The following SBF2 variants were observed in gnomAD, a reference collection of about 807,000 sequenced individuals.
The protein encoded by SBF2 is myotubularin-related protein 13.
A neutral mutation model predicts 225.2 loss-of-function variants in SBF2; 112 were observed. That is an observed-to-expected ratio of 0.50 (90% CI 0.43 to 0.58). The LOEUF is 0.58. SBF2 is among the 20% of genes least tolerant of loss of function. SBF2 has a pLI of 0.00. For synonymous variants in SBF2, 763 were observed against 773.3 expected (o/e 0.99, Z 0.22); for missense variants, 1,996 against 2,206.2 (o/e 0.90, Z 1.91).
chr11:10,110,043 T>A (rs1952761070), intron 2 of SBF2, among the ~76,000 whole-genome samples: 1 of 152,232 alleles, frequency 6.6e-6, no homozygotes, highest in African/African-American at 2.4e-5. Flanking sequence ...TGAATTTGGA[T>A]CATCTCCATG....
chr11:10,227,909 G>A (rs1299808286), intron 1 of SBF2, among the ~76,000 whole-genome samples: 1 of 151,272 alleles, frequency 6.6e-6, no homozygotes, highest in Non-Finnish European at 1.5e-5. Flanking sequence ...AATTACCTTG[G>A]GCAGTATGGC....
At chr11:10,287,269 C>A (rs1432065867) in intron 1 of SBF2, among the ~76,000 whole-genome samples, 2 of 152,096 alleles carry the variant, frequency 1.3e-5, no homozygotes, top group Admixed American at 6.5e-5. Flanking sequence ...TGAAAATGTT[C>A]CCTATCTATC....
At chr11:9,900,671 TTTA>T (rs1053431683) in intron 16 of SBF2, among the ~76,000 whole-genome samples, 1 of 152,094 alleles carries the variant, frequency 6.6e-6, no homozygotes, top group Non-Finnish European at 1.5e-5. Flanking sequence ...AAAAGACAAT[TTTA>T]TATTTGAGTG....
In SBF2 at chr11:9,881,097, C is replaced by T. The variant is rs190454274; in HGVS notation, c.1929+14846G>A. ...TCACAGAGATACTAGTGCTCCTTTG[C>T]CCTTTTATAGCATAAAAAGGCATTT... On this transcript the variant is annotated intron_variant, in intron 17 of 39. Coordinates refer to ENST00000256190, the MANE Select transcript of SBF2 (RefSeq NM_030962.4). Among the ~76,000 whole-genome samples the T allele has an allele frequency of 1.4e-4, 22 of 152,210 alleles. No individual in the cohort carries two copies. The East Asian group carries it at 4.0e-3, about 28-fold the overall frequency.
intron 1 of SBF2, among the ~76,000 whole-genome samples, chr11:10,197,786 T>C (rs965020733): frequency 1.3e-5 from 2 of 152,252 alleles, no homozygotes. Flanking sequence ...AAATCCTTTG[T>C]CATTTCAATG....
intron 2 of SBF2, among the ~76,000 whole-genome samples, chr11:10,165,642 G>A (rs1353183653): frequency 6.6e-6 from 1 of 152,092 alleles, no homozygotes; most frequent in African/African-American, 2.4e-5. Context: ...CTCCATCCCA[G>A]TCACTTCAAC....
intron 2 of SBF2, among the ~76,000 whole-genome samples, chr11:10,163,487 CAAT>C (rs1955836693): frequency 6.6e-6 from 1 of 152,032 alleles, no homozygotes; most frequent in Non-Finnish European, 1.5e-5. Flanking sequence ...CTAATAATGA[CAAT>C]AAGAGTAGCA....
chr11:9,992,508 A>T lies in SBF2; in HGVS notation c.1203T>A (p.Asn401Lys). The change falls in exon 12 of 40, where the codon AAT (asparagine) becomes AAA (lysine). Residue 401 changes from asparagine to lysine, a missense_variant. Physicochemically the swap from Asn to Lys is moderately conservative, Grantham distance 94. Coordinates refer to ENST00000256190, the MANE Select transcript of SBF2 (RefSeq NM_030962.4). ...AFLGQRGLVE[N>K]DFLTKVLSGM... Reference sequence around the variant, plus strand: ...CACTGAGTACTTTAGTGAGGAAATCATTCTCGACCAAACCACGCTGCCCCA... The same window carrying T: ...CACTGAGTACTTTAGTGAGGAAATCTTTCTCGACCAAACCACGCTGCCCCA... 3.1e-6 allele frequency: 5 copies of T among 1,613,296 alleles called. No individual in the cohort carries two copies. Among genetic ancestry groups the T allele is most frequent in the Non-Finnish European group, 4.2e-6 (5 of 1,179,528 alleles).
intron 2 of SBF2, among the ~76,000 whole-genome samples, chr11:10,113,268 A>G (rs748174032): frequency 6.6e-6 from 1 of 152,252 alleles, no homozygotes; most frequent in Non-Finnish European, 1.5e-5. Flanking sequence ...TGCTGGGATT[A>G]CAGGCGTGAG....
chr11:10,066,664 A>G (rs144660373), intron 2 of SBF2, among the ~76,000 whole-genome samples: 90 of 152,334 alleles, frequency 5.9e-4, no homozygotes, highest in African/African-American at 2.2e-3. Flanking sequence ...AGCTAACATC[A>G]TACTTAATGT....
chr11:9,851,603 T>C (rs1856960114), intron 21 of SBF2, among the ~76,000 whole-genome samples: 1 of 152,200 alleles, frequency 6.6e-6, no homozygotes, highest in South Asian at 2.1e-4. Context: ...TATTTTTTAC[T>C]AAGCAATAAA....
At chr11:10,072,764 T>C (rs908730149) in intron 2 of SBF2, among the ~76,000 whole-genome samples, 28 of 149,574 alleles carry the variant, frequency 1.9e-4, no homozygotes, top group Middle Eastern at 3.5e-3. Context: ...CAGGGTCTCA[T>C]TCTGTTGCCC....
At chr11:10,199,747 C>T (rs1234967912) in intron 1 of SBF2, among the ~76,000 whole-genome samples, 4 of 151,874 alleles carry the variant, frequency 2.6e-5, no homozygotes, top group Non-Finnish European at 4.4e-5. Flanking sequence ...ATATGGAGAC[C>T]CCATCTCTAC....
chr11:9,874,266 CTT>C (rs528606437), intron 17 of SBF2, among the ~76,000 whole-genome samples: 14 of 151,932 alleles, frequency 9.2e-5, no homozygotes, highest in Non-Finnish European at 1.8e-4. Context: ...TAAGTAAAAA[CTT>C]ATTCCTTACA....
At chr11:9,882,193 A>G (rs1162834809) in intron 17 of SBF2, among the ~76,000 whole-genome samples, 1 of 152,210 alleles carries the variant, frequency 6.6e-6, no homozygotes, top group Non-Finnish European at 1.5e-5. Flanking sequence ...ACCAGACAAC[A>G]TTTCAGAAAA....
chr11:10,078,182 T>C (rs527808568), intron 2 of SBF2, among the ~76,000 whole-genome samples: 1 of 150,944 alleles, frequency 6.6e-6, no homozygotes, highest in South Asian at 2.1e-4. Flanking sequence ...GCTTTTACAC[T>C]AGTGTAAACT....
At chr11:10,147,809 G>C (rs543434984) in intron 2 of SBF2, among the ~76,000 whole-genome samples, 3 of 152,276 alleles carry the variant, frequency 2.0e-5, no homozygotes, top group Admixed American at 1.3e-4. Context: ...CAGAGTTTGT[G>C]TCTGGTTCTT....
intron 1 of SBF2, among the ~76,000 whole-genome samples, chr11:10,293,787 G>A (rs1964326002): frequency 6.6e-6 from 1 of 152,174 alleles, no homozygotes; most frequent in South Asian, 2.1e-4. Context: ...GGTGCGCCCA[G>A]GGGCTGGGCA....
At chr11:10,100,733 A>G (rs1258748039) in intron 2 of SBF2, among the ~76,000 whole-genome samples, 3 of 151,944 alleles carry the variant, frequency 2.0e-5, no homozygotes, top group African/African-American at 7.3e-5. Flanking sequence ...CTGTAGCCCC[A>G]TGGTGGAGTA....
Sources: allele counts gnomAD v4.1 joint callset (sites outside exome capture counted in the v4.1 genomes callset), GRCh38; gene constraint gnomAD v4.1.1; transcripts MANE v1.5; gene names NCBI Gene and HGNC (gene_info 2026-07-23, HGNC 2026-07-21).